CCDC175: variants seen among roughly 807,000 people sequenced by gnomAD.
CCDC175 encodes coiled-coil domain containing 175.
A neutral mutation model predicts 114.6 loss-of-function variants in CCDC175; 100 were observed. That is an observed-to-expected ratio of 0.87 (90% CI 0.74 to 1.03). The LOEUF (loss-of-function observed/expected upper bound fraction) is 1.03, where lower values mean the gene tolerates loss of function less well. CCDC175 is among the 50% of genes least tolerant of loss of function. The probability of loss-of-function intolerance (pLI) is 0.00; values close to 1 mark genes in which losing one functional copy is unlikely to be tolerated. For missense variants in CCDC175, 880 were observed against 917.8 expected, an observed-to-expected ratio of 0.96 and a Z score of 0.53; for synonymous variants, 306 against 308.7, an observed-to-expected ratio of 0.99 and a Z score of 0.09.
At chr14:59,542,893 T>G (rs956901) in intron 10 of CCDC175, among the ~76,000 whole-genome samples, 1 of 151,956 alleles carries the variant, frequency 6.6e-6, no homozygotes, top group African/African-American at 2.4e-5. Context: ...AAGCATATAT[T>G]GTAAACTGTT....
At chr14:59,523,718 G>A (rs888795119) in intron 16 of CCDC175, among the ~76,000 whole-genome samples, 6 of 152,244 alleles carry the variant, frequency 3.9e-5, no homozygotes, top group South Asian at 4.2e-4. Flanking sequence ...AGCCGGGCGC[G>A]GTGGCTCAAG....
intron 11 of CCDC175, 142 bp downstream of exon 11, chr14:59,540,533 G>A (rs1894710984): frequency 1.1e-5 from 10 of 933,580 alleles, no homozygotes; most frequent in Admixed American, 5.9e-5. Context: ...ATCTAGATCC[G>A]AGAGAATTTA....
At chr14:59,557,621 A>G (rs1300014429) in intron 7 of CCDC175, among the ~76,000 whole-genome samples, 2 of 101,284 alleles carry the variant, frequency 2.0e-5, no homozygotes, top group Admixed American at 9.8e-5. Flanking sequence ...ATAAAAAACA[A>G]AAAGAAAAAG....
intron 14 of CCDC175, among the ~76,000 whole-genome samples, chr14:59,527,941 T>C (rs1893846590): frequency 6.6e-6 from 1 of 152,112 alleles, no homozygotes; most frequent in Non-Finnish European, 1.5e-5. Flanking sequence ...CCAGAACCCT[T>C]TGTATTATTC....
intron 8 of CCDC175, among the ~76,000 whole-genome samples, chr14:59,550,491 T>C (rs1366425578): frequency 6.6e-6 from 1 of 152,108 alleles, no homozygotes; most frequent in Admixed American, 6.6e-5. Flanking sequence ...TAAATAAGTA[T>C]TTAGAATATT....
intron 4 of CCDC175, among the ~76,000 whole-genome samples, chr14:59,567,976 A>G (rs1896650259): frequency 1.3e-5 from 2 of 152,200 alleles, no homozygotes; most frequent in Admixed American, 1.3e-4. Flanking sequence ...TGTGATTTAC[A>G]AACAGTAGTT....
intron 1 of CCDC175, among the ~76,000 whole-genome samples, chr14:59,576,228 G>A (rs1474810879): frequency 6.6e-6 from 1 of 152,144 alleles, no homozygotes; most frequent in Non-Finnish European, 1.5e-5. Flanking sequence ...AAATTCTCCA[G>A]TTTGCCACGG....
chr14:59,563,857 A>G lies in CCDC175; in HGVS notation c.723T>C (p.Ile241=). The change falls in exon 6 of 20, where the codon ATT becomes ATC. Residue 241 remains isoleucine, a splice_region_variant and synonymous_variant. Coordinates refer to ENST00000537690, the MANE Select transcript of CCDC175 (RefSeq NM_001164399.2). ...CTTCACGGGTATTTTCAAATTCATT[A>G]ATCTATAGTGACAAGCATAAGAAAC... ...LIRKQELTAQ[I]NEFENTREVK... 1 of 1,422,694 alleles carries G rather than the reference A, an allele frequency of 7.0e-7. No individual in the cohort carries two copies. The highest frequency in any genetic ancestry group is 9.1e-7 in the Non-Finnish European group (1 of 1,095,186). The allele number at this position is 1,422,694 out of a possible 1,614,324, so 88.1% of individuals were successfully genotyped here.
At chr14:59,525,961 C>T (rs1412683973) in intron 15 of CCDC175, among the ~76,000 whole-genome samples, 1 of 152,076 alleles carries the variant, frequency 6.6e-6, no homozygotes, top group East Asian at 1.9e-4. Flanking sequence ...CATGTTGGTC[C>T]TGGAACCAAT....
Position 59,574,972 on chromosome 14 carries a change from TAAGA to T in CCDC175, c.210_213del (p.Phe70LeufsTer6). On this transcript the variant is annotated frameshift_variant, in exon 2 of 20. Coordinates refer to ENST00000537690, the MANE Select transcript of CCDC175 (RefSeq NM_001164399.2). LOFTEE classifies it high-confidence loss of function. The stretch of plus-strand genomic sequence containing the variant: ...TTCTTAACAGCTACAGCAATGTCCT[TAAGA>T]AAGATCTTAGCTTCTTCATTACATT... 6.6e-7 allele frequency: 1 copy of T among 1,515,736 alleles called. No homozygotes were observed. Among genetic ancestry groups the T allele is most frequent in the Admixed American group, 2.0e-5 (1 of 48,854 alleles). The allele number at this position is 1,515,736 out of a possible 1,614,324, so 93.9% of individuals were successfully genotyped here.
intron 8 of CCDC175, among the ~76,000 whole-genome samples, chr14:59,550,851 C>T (rs1895429181): frequency 6.6e-6 from 1 of 152,154 alleles, no homozygotes; most frequent in African/African-American, 2.4e-5. Context: ...CTTTTCCCAG[C>T]CTACTGACTC....
At chr14:59,526,887 A>G (rs1335960065) in intron 15 of CCDC175, among the ~76,000 whole-genome samples, 1 of 152,182 alleles carries the variant, frequency 6.6e-6, no homozygotes, top group Non-Finnish European at 1.5e-5. Flanking sequence ...ATATATACAC[A>G]TACATACATA....
Position 59,530,282 on chromosome 14 carries a change from G to A in CCDC175, c.1762+1490C>T, listed in dbSNP as rs1037020462. 1.1e-4 allele frequency among the ~76,000 whole-genome samples: 17 copies of A among 151,978 alleles called. No homozygotes were observed. In the East Asian group the frequency reaches 1.9e-3, roughly 17 times the overall value. On this transcript the variant is annotated intron_variant, in intron 14 of 19. Transcript: ENST00000537690. ...CTCAGGAGGCTGAGGCAGGAGAATCGCTTGAACCCAGGAGGTGGAGGTTGC... is the reference window on the plus strand; with the variant it reads ...CTCAGGAGGCTGAGGCAGGAGAATCACTTGAACCCAGGAGGTGGAGGTTGC...
intron 17 of CCDC175, among the ~76,000 whole-genome samples, chr14:59,519,412 A>G (rs1405424794): frequency 2.0e-5 from 3 of 152,228 alleles, no homozygotes; most frequent in Non-Finnish European, 1.5e-5. Context: ...AGCCTGGGGT[A>G]GGCACAAATG....
intron 7 of CCDC175, among the ~76,000 whole-genome samples, chr14:59,553,155 A>G (rs1480934472): frequency 1.3e-5 from 2 of 152,210 alleles, no homozygotes; most frequent in East Asian, 1.9e-4. Flanking sequence ...TCCAAGACAC[A>G]TAATTGTCAG....
chr14:59,546,487 T>TA (rs1330945193), intron 8 of CCDC175, among the ~76,000 whole-genome samples: 1 of 152,160 alleles, frequency 6.6e-6, no homozygotes, highest in African/African-American at 2.4e-5. Flanking sequence ...AAATAAAGGA[T>TA]AATAGGTGAT....
Position 59,575,008 on chromosome 14 carries a change from A to T in CCDC175, c.178T>A (p.Tyr60Asn). The T allele has an allele frequency of 6.6e-7, 1 of 1,513,228 alleles. No homozygotes were observed. Among genetic ancestry groups the T allele is most frequent in the Non-Finnish European group, 8.8e-7 (1 of 1,131,556 alleles). The allele number at this position is 1,513,228 out of a possible 1,614,324, so 93.7% of individuals were successfully genotyped here. A position where few individuals can be genotyped will look rare whatever the true frequency, so the allele number is the denominator to read the frequency against. The change falls in exon 2 of 20, where the codon TAT becomes AAT. Residue 60 changes from tyrosine to asparagine, a missense_variant. Coordinates refer to ENST00000537690, the MANE Select transcript of CCDC175 (RefSeq NM_001164399.2). ...TTAGCTTCTTCATTACATTTAAAATAGTCACTTTGCAGTGATTGTTCTGAA... is the reference window on the plus strand; with the variant it reads ...TTAGCTTCTTCATTACATTTAAAATTGTCACTTTGCAGTGATTGTTCTGAA... Reference protein sequence around the residue: ...FVVEQSLQSDYFKCNEEAKIF... With the variant: ...FVVEQSLQSDNFKCNEEAKIF...
intron 9 of CCDC175, among the ~76,000 whole-genome samples, chr14:59,544,103 C>T (rs12882633): frequency 0.52 from 78,689 of 152,060 alleles, 21,641 homozygotes; most frequent in East Asian, 0.82. Flanking sequence ...CCTAGCTCAA[C>T]GGATGAATGA....
chr14:59,519,304 C>T (rs761170550), intron 17 of CCDC175, among the ~76,000 whole-genome samples: 2 of 151,708 alleles, frequency 1.3e-5, no homozygotes, highest in Non-Finnish European at 2.9e-5. Context: ...TACCGTAAAA[C>T]TTAAAGTATA....
Sources: allele counts gnomAD v4.1 joint callset (sites outside exome capture counted in the v4.1 genomes callset), GRCh38; gene constraint gnomAD v4.1.1; transcripts MANE v1.5; gene names NCBI Gene and HGNC (gene_info 2026-07-23, HGNC 2026-07-21).